The following P3H1 variants were observed in gnomAD, a reference collection of about 807,000 sequenced individuals.
The protein encoded by P3H1 is growth suppressor 1.
A neutral mutation model predicts 84.0 loss-of-function variants in P3H1; 69 were observed. That is an observed-to-expected ratio of 0.82 (90% CI 0.68 to 1.00). P3H1 has a LOEUF of 1.00. Ranked by LOEUF, P3H1 falls within the 50% of genes least tolerant of loss-of-function variation. The pLI, the probability that P3H1 is intolerant of heterozygous loss-of-function variation, is 0.00. For synonymous variants in P3H1, 366 were observed against 388.8 expected (o/e 0.94, Z 0.69); for missense variants, 878 against 962.8 (o/e 0.91, Z 1.17).
intron 5 of P3H1, 61 bp downstream of exon 5, chr1:42,757,722 C>T (rs1354586263): frequency 1.2e-6 from 2 of 1,613,726 alleles, no homozygotes; most frequent in African/African-American, 1.3e-5. Context: ...TGCTACCCCA[C>T]TCTTCCGCCC....
At chr1:42,749,104 C>A (rs1009787005) in intron 11 of P3H1, among the ~76,000 whole-genome samples, 1 of 152,102 alleles carries the variant, frequency 6.6e-6, no homozygotes, top group Non-Finnish European at 1.5e-5. Flanking sequence ...AATCTCTCCA[C>A]ACACACAGCA....
intron 1 of P3H1, among the ~76,000 whole-genome samples, chr1:42,764,199 G>A (rs1185509549): frequency 1.3e-5 from 2 of 152,108 alleles, no homozygotes; most frequent in East Asian, 1.9e-4. Flanking sequence ...CGAGGCAGGT[G>A]GATCACAAGG....
rs1404923329 is a variant in P3H1 at position 42,766,510 on chromosome 1, G to C, written c.462C>G (p.Phe154Leu). 1.9e-6 allele frequency: 3 copies of C among 1,609,298 alleles called. No homozygotes were observed. The highest frequency in any genetic ancestry group is 2.5e-6 in the Non-Finnish European group (3 of 1,178,282). Reference sequence around the variant, plus strand: ...CTGGTTCCAGGCAGGTCTGCACCTTGAAGTAGGCGACCTGCAGGTAGTTGT... The same window carrying C: ...CTGGTTCCAGGCAGGTCTGCACCTTCAAGTAGGCGACCTGCAGGTAGTTGT... Reference protein sequence around the residue: ...SPYNYLQVAYFKINKLEKAVA... With the variant: ...SPYNYLQVAYLKINKLEKAVA... Residue 154 changes from phenylalanine (F) to leucine (L), a missense_variant, in exon 1 of 15, where the codon TTC becomes TTG. Phe to Leu is a conservative substitution (Grantham distance 22). Coordinates refer to ENST00000296388, the MANE Select transcript of P3H1 (RefSeq NM_022356.4).
intron 2 of P3H1, chr1:42,762,104 AC>A: frequency 1.9e-6 from 1 of 534,492 alleles, no homozygotes; most frequent in Non-Finnish European, 3.4e-6. Flanking sequence ...TTAGAAAACA[AC>A]CTTAGTAATG....
intron 10 of P3H1, among the ~76,000 whole-genome samples, 186 bp from the exon 11 acceptor site, chr1:42,750,522 C>A (rs182854963): frequency 2.6e-5 from 4 of 152,208 alleles, no homozygotes; most frequent in Non-Finnish European, 5.9e-5. Flanking sequence ...ATAAGTCTCA[C>A]GAGATCTGGT....
Position 42,755,619 on chromosome 1 carries a change from G to T in P3H1, c.1099C>A (p.Gln367Lys), listed in dbSNP as rs1652360543. ...GPRESAKEYR[Q>K]RSLLEKELLF... ...AGTTCTTTTTCCAGTAGGCTTCGCT[G>T]TCGGTACTCCTTGGCACTCTGAGGG... Residue 367 changes from glutamine (Q) to lysine (K), a missense_variant, in exon 6 of 15, where the codon CAG becomes AAG. Physicochemically the swap from Gln to Lys is moderately conservative, Grantham distance 53. Transcript: ENST00000296388. The T allele has an allele frequency of 2.5e-6, 4 of 1,613,822 alleles. No homozygotes were observed. The highest frequency in any genetic ancestry group is 8.5e-7 in the Non-Finnish European group (1 of 1,179,840).
intron 11 of P3H1, 121 bp from the exon 12 acceptor site, chr1:42,748,438 G>C: frequency 2.5e-6 from 2 of 809,844 alleles, no homozygotes; most frequent in Non-Finnish European, 4.3e-6. Context: ...AATGAACTAG[G>C]GGGGTGTCTT....
In P3H1 at chr1:42,750,298, G is replaced by C. The variant is rs201725061; in HGVS notation, c.1608C>G (p.His536Gln). The change falls in exon 11 of 15, where the codon CAC becomes CAG. Residue 536 changes from histidine (H) to glutamine (Q), a missense_variant. By Grantham distance (24) the His-to-Gln change is conservative. Coordinates refer to ENST00000296388, the MANE Select transcript of P3H1 (RefSeq NM_022356.4). ...QEGKVPLQSA[H>Q]LYYNVTEKVR... is the part of the protein sequence containing the mutation. ...CCTTCTCCGTCACGTTGTAGTACAG[G>C]TGGGCACTCTGCAGAGGAACTTTGC... The C allele has an allele frequency of 6.2e-7, 1 of 1,614,064 alleles. No individual in the cohort carries two copies. Among genetic ancestry groups the C allele is most frequent in the Admixed American group, 1.7e-5 (1 of 60,000 alleles).
In P3H1 at chr1:42,754,844, C is replaced by T. The variant is rs767053914; in HGVS notation, c.1345+25G>A. On this transcript the variant is annotated intron_variant, in intron 8 of 14. Transcript: ENST00000296388. This position sits in a 1 kb window ranked among gnomAD's most constrained non-coding sequence, Gnocchi z 4.0. ...GCCTGGCTCCCTGACAACAGCCAGACATGCCCCTATTTCTGTCCTCTCACC... is the reference window on the plus strand; with the variant it reads ...GCCTGGCTCCCTGACAACAGCCAGATATGCCCCTATTTCTGTCCTCTCACC... 6.2e-7 allele frequency: 1 copy of T among 1,614,082 alleles called. No individual in the cohort carries two copies. Among genetic ancestry groups the T allele is most frequent in the South Asian group, 1.1e-5 (1 of 91,068 alleles).
intron 5 of P3H1, 106 bp downstream of exon 5, chr1:42,757,677 G>A: frequency 6.5e-7 from 1 of 1,533,676 alleles, no homozygotes; most frequent in South Asian, 1.1e-5. Context: ...CTGACATCTG[G>A]CCCCTGCCCT....
intron 5 of P3H1, 28 bp from the exon 6 acceptor site, chr1:42,755,665 C>T (rs769935555): frequency 6.4e-7 from 1 of 1,569,090 alleles, no homozygotes; most frequent in Non-Finnish European, 8.8e-7. Flanking sequence ...AACAAATCCC[C>T]CAGAACTCAG....
At position 42,759,409 on chromosome 1, in the gene P3H1, A is replaced by T; in HGVS notation, c.619-19T>A. 6.2e-7 allele frequency: 1 copy of T among 1,612,124 alleles called. No homozygotes were observed. On this transcript the variant is annotated intron_variant, in intron 2 of 14. Coordinates refer to ENST00000296388, the MANE Select transcript of P3H1 (RefSeq NM_022356.4). ...ATTCTTGCTACTGGGAAGAAGGAGCACTCAAATGCAGGCCACAGAGGAGGA... is the reference window on the plus strand; with the variant it reads ...ATTCTTGCTACTGGGAAGAAGGAGCTCTCAAATGCAGGCCACAGAGGAGGA...
rs757721269 is a variant in P3H1, at chr1:42,758,871, C to T, written c.921G>A (p.Leu307=). The T allele has an allele frequency of 1.2e-5, 20 of 1,614,024 alleles. No homozygotes were observed. The South Asian group carries it at 2.2e-4, about 18-fold the overall frequency. The change falls in exon 4 of 15, where the codon CTG becomes CTA. Residue 307 remains leucine, a synonymous_variant. Coordinates refer to ENST00000296388, the MANE Select transcript of P3H1 (RefSeq NM_022356.4). ...CCTTACTGTTATAGTAGGCAAACTG[C>T]AGATAATTATAATGCGATGGGAGGA... ...EDFLPSHYNY[L]QFAYYNIGNY...
chr1:42,765,425 CA>C (rs2124168858), intron 1 of P3H1, among the ~76,000 whole-genome samples: 1 of 152,242 alleles, frequency 6.6e-6, no homozygotes, highest in South Asian at 2.1e-4. Flanking sequence ...CAAAGCAAGA[CA>C]AAGCAAAGAC....
rs774543000 is a variant in P3H1, at chr1:42,766,599, C to G, written c.373G>C (p.Gly125Arg). The change falls in exon 1 of 15, where the codon GGG becomes CGG. Residue 125 changes from glycine to arginine, a missense_variant. By Grantham distance (125) the Gly-to-Arg change is moderately radical (BLOSUM62 -2). Coordinates refer to ENST00000296388, the MANE Select transcript of P3H1 (RefSeq NM_022356.4). ...RRAACLRRCL[G>R]PPAAHSLSEE... ...CTGAGCGAGTGGGCGGCCGGCGGCC[C>G]GAGGCAGCGGCGCAGGCAGGCAGCG... 1.9e-6 allele frequency: 3 copies of G among 1,609,336 alleles called. No individual in the cohort carries two copies. The highest frequency in any genetic ancestry group is 2.2e-5 in the South Asian group (2 of 90,498).
intron 10 of P3H1, chr1:42,751,579 A>ATAAC (rs1652089111): frequency 7.5e-6 from 1 of 134,096 alleles, no homozygotes; most frequent in Admixed American, 7.2e-5. Context: ...AAAAAAATAA[A>ATAAC]TAAATAAATA....
At chr1:42,764,174 C>T (rs181179561) in intron 1 of P3H1, among the ~76,000 whole-genome samples, 3,906 of 150,414 alleles carry the variant, frequency 0.026, 71 homozygotes, top group Non-Finnish European at 0.039. Flanking sequence ...CCTGTAATCC[C>T]GCACTTTGGG....
chr1:42,750,377 T>A (rs755998639), intron 10 of P3H1, 41 bp from the exon 11 acceptor site: 1 of 1,611,860 alleles, frequency 6.2e-7, no homozygotes, highest in African/African-American at 1.3e-5. Context: ...CAACGACTGA[T>A]ATGGTTTGGC....
intron 4 of P3H1, among the ~76,000 whole-genome samples, chr1:42,758,128 G>A (rs1416365055): frequency 6.6e-6 from 1 of 152,154 alleles, no homozygotes; most frequent in Non-Finnish European, 1.5e-5. Flanking sequence ...TAATTTTAAG[G>A]TGAGGTGGTC....
Sources: gnomAD v4.1 joint callset for allele counts (sites outside exome capture counted in the v4.1 genomes callset) on GRCh38, gnomAD v4.1.1 for gene constraint, Gnocchi (gnomAD v3.1) non-coding constraint, MANE v1.5 for transcripts, NCBI Gene and HGNC (gene_info 2026-07-23, HGNC 2026-07-21) for gene names.